Variants in BBS9 observed in about 807,000 individuals in gnomAD.
The protein encoded by BBS9 is protein PTHB1.
Under a neutral mutation model 117.7 loss-of-function variants are expected in BBS9, and 89 were observed. The ratio of observed to expected loss-of-function variants is 0.76; its 90% CI spans 0.64 to 0.90. The LOEUF (loss-of-function observed/expected upper bound fraction) is 0.90, where lower values mean the gene tolerates loss of function less well. Among genes scored for constraint, BBS9 ranks in the 40% least tolerant of loss-of-function variants. The pLI, the probability that BBS9 is intolerant of heterozygous loss-of-function variation, is 0.00. For synonymous variants in BBS9, 379 were observed against 370.9 expected (o/e 1.02, Z -0.25); for missense variants, 982 against 1,042.2 (o/e 0.94, Z 0.80).
At chr7:33,576,434 A>C (rs754961981) in intron 21 of BBS9, among the ~76,000 whole-genome samples, 3 of 152,234 alleles carry the variant, frequency 2.0e-5, no homozygotes, top group Admixed American at 1.3e-4. Context: ...AGAACATTTC[A>C]TGCTCATGGA....
At chr7:33,193,573 C>T (rs1784499411) in intron 5 of BBS9, among the ~76,000 whole-genome samples, 1 of 151,998 alleles carries the variant, frequency 6.6e-6, no homozygotes, top group African/African-American at 2.4e-5. Flanking sequence ...TTCTTTCCTA[C>T]CCAATCAGAG....
intron 19 of BBS9, among the ~76,000 whole-genome samples, chr7:33,466,936 A>G (rs749135285): frequency 6.6e-6 from 1 of 152,028 alleles, no homozygotes; most frequent in Non-Finnish European, 1.5e-5. Flanking sequence ...CCGGTTTCTG[A>G]TGTAGCTTCC....
At chr7:33,536,507 G>A (rs1245897317) in intron 21 of BBS9, among the ~76,000 whole-genome samples, 1 of 152,066 alleles carries the variant, frequency 6.6e-6, no homozygotes, top group Non-Finnish European at 1.5e-5. Context: ...AGAAAATGGA[G>A]GCAGGAAAAT....
intron 2 of BBS9, among the ~76,000 whole-genome samples, chr7:33,147,872 C>A (rs1159175532): frequency 6.6e-6 from 1 of 151,644 alleles, no homozygotes; most frequent in Non-Finnish European, 1.5e-5. Flanking sequence ...CCGAAGCTTG[C>A]TATACAAAAA....
In BBS9 at chr7:33,467,906, A is replaced by G. The variant is rs779811727; in HGVS notation, c.2116-37557A>G. Reference sequence around the variant, plus strand: ...AAATCAACACAGTGCTGAAGCTGAAATCTAAATATGGAGTTAATTCACTGA... The same window carrying G: ...AAATCAACACAGTGCTGAAGCTGAAGTCTAAATATGGAGTTAATTCACTGA... On this transcript the variant is annotated intron_variant, in intron 19 of 22. Transcript: ENST00000242067. Among the ~76,000 whole-genome samples the G allele has an allele frequency of 1.9e-4, 29 of 152,236 alleles. 1 individual carries two copies. The Middle Eastern group carries it at 0.017, about 89-fold the overall frequency.
chr7:33,446,546 C>G (rs1837022444), intron 19 of BBS9, among the ~76,000 whole-genome samples: 1 of 152,082 alleles, frequency 6.6e-6, no homozygotes, highest in African/African-American at 2.4e-5. Context: ...AACAACCTAT[C>G]TAAAAGAGAA....
Position 33,618,917 on chromosome 7 carries a change from T to G in BBS9, c.2522-16260T>G, listed in dbSNP as rs1865273891. Among the ~76,000 whole-genome samples the G allele has an allele frequency of 3.3e-5, 5 of 151,820 alleles. No homozygotes were observed. The South Asian group carries it at 1.0e-3, about 32-fold the overall frequency. ...GAAAGCTTACCACTATGAAAAAAAT[T>G]ATCAAATTACAAAGAAGACAGCGAG... is the stretch of plus-strand genomic sequence containing the variant. On this transcript the variant is annotated intron_variant, in intron 21 of 21. Coordinates refer to the BBS9 transcript ENST00000671952.
In BBS9 at chr7:33,287,959, C is replaced by T. The variant is rs142175851; in HGVS notation, c.1016+14003C>T. Among the ~76,000 whole-genome samples, 170 of 152,208 alleles carry T rather than the reference C, an allele frequency of 1.1e-3. 1 individual carries two copies. In the South Asian group the frequency reaches 0.019, roughly 17 times the overall value. ...GGCACAGATGAGGGAACTTGCACAG[C>T]GGGGCTTGCCTAAGACATGCCCACA... On this transcript the variant is annotated intron_variant, in intron 9 of 22. Coordinates refer to ENST00000242067, the MANE Select transcript of BBS9 (RefSeq NM_198428.3).
At chr7:33,383,866 T>C (rs1212787901) in intron 18 of BBS9, 28 bp downstream of exon 18, 1 of 1,596,746 alleles carries the variant, frequency 6.3e-7, no homozygotes, top group Non-Finnish European at 8.6e-7. Flanking sequence ...CCACATCATC[T>C]ATAATCCTTA....
intron 3 of BBS9, 147 bp from the exon 4 acceptor site, chr7:33,155,491 T>C: frequency 1.7e-6 from 1 of 598,504 alleles, no homozygotes; most frequent in East Asian, 2.9e-5. Flanking sequence ...GTTATATTTA[T>C]TTTTCAGTTT....
At chr7:33,148,202 G>A (rs1792718165) in intron 2 of BBS9, among the ~76,000 whole-genome samples, 1 of 152,188 alleles carries the variant, frequency 6.6e-6, no homozygotes, top group African/African-American at 2.4e-5. Context: ...TAGAGGTAGA[G>A]ATTTGGGGAT....
At chr7:33,169,711 G>A (rs1796241571) in intron 4 of BBS9, among the ~76,000 whole-genome samples, 1 of 151,726 alleles carries the variant, frequency 6.6e-6, no homozygotes, top group African/African-American at 2.4e-5. Context: ...CTGGATATTA[G>A]CCCTTTGTCA....
intron 21 of BBS9, among the ~76,000 whole-genome samples, chr7:33,604,172 G>A (rs763395078): frequency 9.9e-5 from 15 of 152,196 alleles, no homozygotes; most frequent in Non-Finnish European, 2.1e-4. Flanking sequence ...AGTTGCAGAT[G>A]TAGTCAGGAA....
At chr7:33,574,147 C>T (rs1454142656) in intron 21 of BBS9, among the ~76,000 whole-genome samples, 2 of 152,116 alleles carry the variant, frequency 1.3e-5, no homozygotes, top group Non-Finnish European at 2.9e-5. Flanking sequence ...TACACCACAT[C>T]ATCTTTCCTT....
chr7:33,366,625 G>T (rs10271404), intron 16 of BBS9, among the ~76,000 whole-genome samples: 6 of 146,024 alleles, frequency 4.1e-5, no homozygotes, highest in South Asian at 2.2e-4. Context: ...GCTCCCTGCA[G>T]CCTCCACCTC....
At chr7:33,217,553 A>C (rs1408970751) in intron 5 of BBS9, among the ~76,000 whole-genome samples, 2 of 152,244 alleles carry the variant, frequency 1.3e-5, no homozygotes, top group African/African-American at 2.4e-5. Context: ...GACTCCATAT[A>C]ATGTTCATAA....
chr7:33,620,417 C>T (rs1040877957), intron 21 of BBS9, among the ~76,000 whole-genome samples: 13 of 151,730 alleles, frequency 8.6e-5, no homozygotes, highest in South Asian at 2.1e-4. Context: ...AGTTGCGGGA[C>T]GAAAATCAAC....
At chr7:33,574,394 A>G (rs1161981206) in intron 21 of BBS9, among the ~76,000 whole-genome samples, 2 of 152,074 alleles carry the variant, frequency 1.3e-5, no homozygotes. Context: ...ATATTAAAGC[A>G]TTTATCCCTT....
chr7:33,552,443 G>A (rs1358060439), intron 21 of BBS9, among the ~76,000 whole-genome samples: 1 of 152,020 alleles, frequency 6.6e-6, no homozygotes, highest in Non-Finnish European at 1.5e-5. Context: ...ACCAGCCCTT[G>A]GTGCTCTTCC....
Sources: gnomAD v4.1 joint callset for allele counts (sites outside exome capture counted in the v4.1 genomes callset) on GRCh38, gnomAD v4.1.1 for gene constraint, MANE v1.5 for transcripts, NCBI Gene and HGNC (gene_info 2026-07-23, HGNC 2026-07-21) for gene names.